Variants in AFDN observed in about 807,000 individuals in gnomAD.
AFDN encodes afadin, adherens junction formation factor, also known as afadin.
In AFDN, 68 loss-of-function variants were observed where a neutral mutation model predicts 216.6. That is an observed-to-expected ratio of 0.31 (90% CI 0.26 to 0.38). The LOEUF (loss-of-function observed/expected upper bound fraction) is 0.38. AFDN is among the 10% of genes least tolerant of loss of function. The pLI is 1.00. For synonymous variants in AFDN, 868 were observed against 853.7 expected, an observed-to-expected ratio of 1.02 and a Z score of -0.29; for missense variants, 2,136 against 2,342.0, an observed-to-expected ratio of 0.91 and a Z score of 1.82.
At chr6:167,909,363 G>T (rs565202315) in intron 13 of AFDN, among the ~76,000 whole-genome samples, 15 of 149,188 alleles carry the variant, frequency 1.0e-4, no homozygotes, top group African/African-American at 3.7e-4. Flanking sequence ...TCATTTTTTG[G>T]TGCATGGAGA....
intron 1 of AFDN, among the ~76,000 whole-genome samples, chr6:167,830,077 G>A (rs1400948203): frequency 6.6e-6 from 1 of 152,178 alleles, no homozygotes. Flanking sequence ...CTGACTTAAT[G>A]TCTTGATTAC....
At chr6:167,880,920 T>C (rs1203706475) in intron 6 of AFDN, among the ~76,000 whole-genome samples, 1 of 152,214 alleles carries the variant, frequency 6.6e-6, no homozygotes. Flanking sequence ...TGTTCATGAT[T>C]TTAAAAAATT....
intron 31 of AFDN, chr6:167,965,144 A>T: frequency 3.7e-6 from 3 of 809,088 alleles, no homozygotes; most frequent in Non-Finnish European, 4.5e-6. Flanking sequence ...TGGGAGAATG[A>T]GTGTTTTTTT....
chr6:167,958,526 A>C (rs1796738035), intron 30 of AFDN, among the ~76,000 whole-genome samples: 1 of 152,210 alleles, frequency 6.6e-6, no homozygotes, highest in South Asian at 2.1e-4. Context: ...TGTCTTGTTA[A>C]CACGTTTTAA....
At chr6:167,920,972 C>T (rs977937615) in intron 21 of AFDN, among the ~76,000 whole-genome samples, 2 of 152,166 alleles carry the variant, frequency 1.3e-5, no homozygotes, top group African/African-American at 4.8e-5. Flanking sequence ...GTGTTTCAAA[C>T]GCGTGCCGCT....
chr6:167,895,735 C>T (rs1788155881), intron 9 of AFDN, among the ~76,000 whole-genome samples: 1 of 152,186 alleles, frequency 6.6e-6, no homozygotes, highest in Non-Finnish European at 1.5e-5. Context: ...GCTCATACTC[C>T]AAACTGTTTA....
At position 167,944,171 on chromosome 6, in the gene AFDN, A is replaced by G. The variant is rs77677224; in HGVS notation, c.3358+112A>G. 2,007 of 820,236 alleles carry G rather than the reference A, an allele frequency of 2.4e-3. 36 individuals are homozygous for G. In the African/African-American group the frequency reaches 0.032, roughly 13 times the overall value. 50.8% of individuals were successfully genotyped at this position (820,236 alleles called of 1,614,324 possible). On this transcript the variant is annotated intron_variant, in intron 26 of 33. Coordinates refer to ENST00000683244, the MANE Select transcript of AFDN (RefSeq NM_001386888.1). ...TACTATCGCCCCAGTTTTAAAGAGAAAGAAATTGAGGATGAGAGCGCTTCA... is the reference window on the plus strand; with the variant it reads ...TACTATCGCCCCAGTTTTAAAGAGAGAGAAATTGAGGATGAGAGCGCTTCA...
intron 2 of AFDN, among the ~76,000 whole-genome samples, chr6:167,866,662 C>T (rs928232576): frequency 2.0e-5 from 3 of 152,170 alleles, no homozygotes; most frequent in Non-Finnish European, 2.9e-5. Flanking sequence ...ACCCTGGGAG[C>T]CCTGACTTCT....
chr6:167,963,311 G>C (rs1426459386), intron 31 of AFDN: 1 of 1,062,222 alleles, frequency 9.4e-7, no homozygotes, highest in Non-Finnish European at 1.1e-6. Context: ...GTTTCATCCC[G>C]AGGGGACTGC....
chr6:167,933,963 C>T (rs141253367), intron 23 of AFDN, among the ~76,000 whole-genome samples: 3 of 152,322 alleles, frequency 2.0e-5, no homozygotes, highest in Non-Finnish European at 4.4e-5. Context: ...GACCCATCCC[C>T]TGCACAGGCC....
intron 20 of AFDN, 79 bp from the exon 21 acceptor site, chr6:167,918,656 A>C: frequency 7.8e-7 from 1 of 1,283,322 alleles, no homozygotes; most frequent in South Asian, 1.2e-5. Flanking sequence ...CAGTGAGCAG[A>C]CAGCCTTTGA....
chr6:167,880,062 C>T (rs1443088397), intron 5 of AFDN, among the ~76,000 whole-genome samples: 1 of 152,108 alleles, frequency 6.6e-6, no homozygotes, highest in Non-Finnish European at 1.5e-5. Context: ...TCTTTCCTCA[C>T]TATAGATACG....
chr6:167,945,874 G>GATTC (rs1370995816), intron 26 of AFDN, among the ~76,000 whole-genome samples: 13 of 152,176 alleles, frequency 8.5e-5, no homozygotes, highest in African/African-American at 2.9e-4. Context: ...AAACCATTGT[G>GATTC]ATTCATAGCA....
At chr6:167,829,945 C>T (rs1254322313) in intron 1 of AFDN, among the ~76,000 whole-genome samples, 1 of 152,124 alleles carries the variant, frequency 6.6e-6, no homozygotes, top group Non-Finnish European at 1.5e-5. Context: ...AATAAGCAGG[C>T]TATCACTGGA....
chr6:167,827,276 C>A, intron 1 of AFDN, 39 bp downstream of exon 1: 1 of 887,626 alleles, frequency 1.1e-6, no homozygotes, highest in Non-Finnish European at 1.4e-6. Context: ...CGACCCCCGC[C>A]CGCTGCGCCG....
intron 5 of AFDN, 43 bp downstream of exon 5, chr6:167,875,538 G>A (rs781049534): frequency 1.3e-6 from 2 of 1,598,982 alleles, no homozygotes; most frequent in Non-Finnish European, 1.7e-6. Flanking sequence ...GTTACAAAGA[G>A]CATTGTTTAA....
In AFDN at chr6:167,943,964, C is replaced by G; in HGVS notation, c.3263C>G (p.Thr1088Arg). ...AGGGCGGCAGAACTCATGACAAGAA[C>G]AAGCTCTGTGGTGACACTGGAAGTA... is the stretch of plus-strand genomic sequence containing the variant. Reference protein sequence around the residue: ...QERAAELMTRTSSVVTLEVAK... With the variant: ...QERAAELMTRRSSVVTLEVAK... The change falls in exon 26 of 34, where the codon ACA becomes AGA. Residue 1088 changes from threonine (T) to arginine (R), a missense_variant. Thr to Arg is a moderately conservative substitution (Grantham distance 71, BLOSUM62 -1). This residue lies in a region of AFDN where 74 missense variants were observed against 98.8 expected (regional missense o/e 0.75). Coordinates refer to ENST00000683244, the MANE Select transcript of AFDN (RefSeq NM_001386888.1). The G allele has an allele frequency of 5.6e-6, 9 of 1,614,178 alleles. No individual in the cohort carries two copies. The highest frequency in any genetic ancestry group is 2.2e-5 in the East Asian group (1 of 44,890).
In AFDN at chr6:167,935,333, A is replaced by C. The variant is rs547497154; in HGVS notation, c.3100-7796A>C. On this transcript the variant is annotated intron_variant, in intron 23 of 33. Transcript: ENST00000683244. ...TAAATCTTCTGCCAGTGTGTGCTAC[A>C]CGTTGGGTACCCTCTGATACGCTGA... Among the ~76,000 whole-genome samples, 6 of 152,324 alleles carry C rather than the reference A, an allele frequency of 3.9e-5. 1 individual carries two copies. The South Asian group carries it at 1.2e-3, about 32-fold the overall frequency.
At chr6:167,845,047 A>G (rs1781508515) in intron 1 of AFDN, among the ~76,000 whole-genome samples, 1 of 151,978 alleles carries the variant, frequency 6.6e-6, no homozygotes, top group African/African-American at 2.4e-5. Flanking sequence ...ATTTGTATAA[A>G]GATGTGGTCT....
Sources: allele counts gnomAD v4.1 joint callset (sites outside exome capture counted in the v4.1 genomes callset), GRCh38; gene constraint gnomAD v4.1.1; regional missense constraint gnomAD v4.1.1; transcripts MANE v1.5; gene names NCBI Gene and HGNC (gene_info 2026-07-23, HGNC 2026-07-21).